The following ZNF641 variants were observed in gnomAD, a reference collection of about 807,000 sequenced individuals.
ZNF641 encodes zinc finger protein 641.
A neutral mutation model predicts 46.2 loss-of-function variants in ZNF641; 26 were observed. That is an observed-to-expected ratio of 0.56 (90% CI 0.41 to 0.78). The LOEUF (loss-of-function observed/expected upper bound fraction) is 0.78, where lower values mean the gene tolerates loss of function less well. ZNF641 is among the 30% of genes least tolerant of loss of function. The pLI is 0.00. For synonymous variants in ZNF641, 163 were observed against 187.9 expected (o/e 0.87, Z 1.09); for missense variants, 469 against 517.8 (o/e 0.91, Z 0.91).
At position 48,342,251 on chromosome 12, in the gene ZNF641, GT is replaced by G. The variant is rs1952736970; in HGVS notation, c.*721del. On this transcript the variant is annotated 3_prime_UTR_variant, in exon 6 of 6. Coordinates refer to ENST00000547026, the MANE Select transcript of ZNF641 (RefSeq NM_001172681.2). ...GGGAGTAGGAATAATGGGTAAAAAG[GT>G]TATTTTTTCAGCAGGTGAGGGTGAG... The G allele has an allele frequency of 1.0e-6, 1 of 985,362 alleles. No homozygotes were observed. Among genetic ancestry groups the G allele is most frequent in the Non-Finnish European group, 1.2e-6 (1 of 830,006 alleles). The allele number at this position is 985,362 out of a possible 1,614,324, so 61.0% of individuals were successfully genotyped here.
At position 48,340,212 on chromosome 12, in the gene ZNF641, C is replaced by T; in HGVS notation, c.*2761G>A. ...AAGACAGTGGTACACCAGAAATAAC[C>T]CAAAGGATTGCCCCTTCTGTAGAAG... On this transcript the variant is annotated 3_prime_UTR_variant, in exon 6 of 6. Transcript: ENST00000547026. 1 of 985,348 alleles carries T rather than the reference C, an allele frequency of 1.0e-6. No individual in the cohort carries two copies. The highest frequency in any genetic ancestry group is 1.2e-6 in the Non-Finnish European group (1 of 829,918). The allele number at this position is 985,348 out of a possible 1,614,324, so 61.0% of individuals were successfully genotyped here. A position where few individuals can be genotyped will look rare whatever the true frequency, so the allele number is the denominator to read the frequency against.
chr12:48,340,803 A>G lies in ZNF641; in HGVS notation c.*2170T>C. Reference sequence around the variant, plus strand: ...CCATTGCTTATGCAGAGCTTTTAGTATTAAAGAGGGAGAGTAAAAGAAATG... The same window carrying G: ...CCATTGCTTATGCAGAGCTTTTAGTGTTAAAGAGGGAGAGTAAAAGAAATG... On this transcript the variant is annotated 3_prime_UTR_variant, in exon 6 of 6. Coordinates refer to ENST00000547026, the MANE Select transcript of ZNF641 (RefSeq NM_001172681.2). The G allele has an allele frequency of 1.0e-6, 1 of 985,418 alleles. No homozygotes were observed. Among genetic ancestry groups the G allele is most frequent in the Non-Finnish European group, 1.2e-6 (1 of 829,892 alleles). 61.0% of individuals were successfully genotyped at this position (985,418 alleles called of 1,614,324 possible).
rs959153591 is a variant in ZNF641 at position 48,347,480 on chromosome 12, T to C, written c.185-137A>G. Reference sequence around the variant, plus strand: ...TTGGTAAAACTCAAATGCATAAATGTAGATGAGAAGGCCATCACTCAAAAT... The same window carrying C: ...TTGGTAAAACTCAAATGCATAAATGCAGATGAGAAGGCCATCACTCAAAAT... On this transcript the variant is annotated intron_variant, in intron 2 of 5. Transcript: ENST00000547026. The C allele has an allele frequency of 9.8e-6, 7 of 716,438 alleles. No individual in the cohort carries two copies. The African/African-American group carries it at 1.3e-4, about 13-fold the overall frequency. The allele number at this position is 716,438 out of a possible 1,614,324, so 44.4% of individuals were successfully genotyped here. A position where few individuals can be genotyped will look rare whatever the true frequency, so the allele number is the denominator to read the frequency against.
intron 1 of ZNF641, 123 bp from the exon 2 acceptor site, chr12:48,348,238 A>G: frequency 1.0e-6 from 1 of 962,238 alleles, no homozygotes. Flanking sequence ...TTGCTGGAAG[A>G]TGAACTTTAA....
In ZNF641 at chr12:48,344,716, C is replaced by T. The variant is rs763459282; in HGVS notation, c.407-4G>A. 2 of 1,585,536 alleles carry T rather than the reference C, an allele frequency of 1.3e-6. No individual in the cohort carries two copies. Among genetic ancestry groups the T allele is most frequent in the East Asian group, 2.2e-5 (1 of 44,728 alleles). ...TCCAGTTTGGGAATTGGAAATCCTG[C>T]TCATGGGAAAGGAAAATAGAGCTGT... On this transcript the variant is annotated splice_polypyrimidine_tract_variant and splice_region_variant and intron_variant, in intron 4 of 5. Transcript: ENST00000547026.
At chr12:48,336,090 T>C (rs770013623), downstream of ZNF641, among the ~76,000 whole-genome samples, 1 of 152,200 alleles carries the variant, frequency 6.6e-6, no homozygotes, top group African/African-American at 2.4e-5. Context: ...AATTTAGAAA[T>C]GCATGTTTAA....
chr12:48,347,189 C>T (rs780279086), intron 3 of ZNF641, 63 bp downstream of exon 3: 15 of 1,611,930 alleles, frequency 9.3e-6, no homozygotes, highest in African/African-American at 4.0e-5. Context: ...TGGGCTGATG[C>T]GAAAGCAATA....
chr12:48,344,764 A>T, intron 4 of ZNF641, 52 bp from the exon 5 acceptor site: 1 of 1,033,058 alleles, frequency 9.7e-7, no homozygotes, highest in Non-Finnish European at 1.4e-6. Flanking sequence ...CAGCAATTCT[A>T]TATTTCTGAA....
chr12:48,348,741 T>G (rs2732465), intron 1 of ZNF641, among the ~76,000 whole-genome samples: 61,258 of 152,142 alleles, frequency 0.4, 14,891 homozygotes, highest in Non-Finnish European at 0.55. Flanking sequence ...AACTGATAAC[T>G]TGGAAAGCAG....
chr12:48,349,734 T>C (rs1370204293), intron 1 of ZNF641, among the ~76,000 whole-genome samples: 2 of 152,216 alleles, frequency 1.3e-5, no homozygotes, highest in Non-Finnish European at 2.9e-5. Context: ...AAAGGGAAAC[T>C]TCCATTTTAG....
chr12:48,342,303 C>T lies in ZNF641; in HGVS notation c.*670G>A. The T allele has an allele frequency of 1.0e-6, 1 of 985,616 alleles. No individual in the cohort carries two copies. Among genetic ancestry groups the T allele is most frequent in the Non-Finnish European group, 1.2e-6 (1 of 830,162 alleles). The allele number at this position is 985,616 out of a possible 1,614,324, so 61.1% of individuals were successfully genotyped here. ...AGGTGATGTATATACTGCTGATTGGCATAAGGAAGACAGACCCACACATGA... is the reference window on the plus strand; with the variant it reads ...AGGTGATGTATATACTGCTGATTGGTATAAGGAAGACAGACCCACACATGA... On this transcript the variant is annotated 3_prime_UTR_variant, in exon 6 of 6. Coordinates refer to ENST00000547026, the MANE Select transcript of ZNF641 (RefSeq NM_001172681.2).
intron 3 of ZNF641, chr12:48,347,015 A>T: frequency 1.4e-6 from 1 of 735,960 alleles, no homozygotes; most frequent in Non-Finnish European, 2.1e-6. Context: ...TGTCTCAAAA[A>T]CAAAAAACAA....
chr12:48,335,916 C>A (rs1952601336), downstream of ZNF641, among the ~76,000 whole-genome samples: 1 of 152,214 alleles, frequency 6.6e-6, no homozygotes, highest in African/African-American at 2.4e-5. Context: ...GACCTCAATT[C>A]TTTGCTTTTC....
In ZNF641 at chr12:48,337,257, T is replaced by A. The variant is rs1952617173; in HGVS notation, c.*5716A>T. On this transcript the variant is annotated 3_prime_UTR_variant, in exon 6 of 6. Coordinates refer to ENST00000547026, the MANE Select transcript of ZNF641 (RefSeq NM_001172681.2). ...TTGGGTAACCCAAGGAAGTTCACAG[T>A]TCATCAGAAGGAACCAATTCAGATA... The A allele has an allele frequency of 6.6e-6, 1 of 152,086 alleles. No homozygotes were observed. Among genetic ancestry groups the A allele is most frequent in the African/African-American group, 2.4e-5 (1 of 41,388 alleles). 9.4% of individuals were successfully genotyped at this position (152,086 alleles called of 1,614,324 possible).
rs1044699839 is a variant in ZNF641, at chr12:48,339,271, C to T, written c.*3702G>A. 1.3e-5 allele frequency: 2 copies of T among 152,096 alleles called. No homozygotes were observed. Among genetic ancestry groups the T allele is most frequent in the African/African-American group, 4.8e-5 (2 of 41,410 alleles). 9.4% of individuals were successfully genotyped at this position (152,096 alleles called of 1,614,324 possible). A position where few individuals can be genotyped will look rare whatever the true frequency, so the allele number is the denominator to read the frequency against. On this transcript the variant is annotated 3_prime_UTR_variant, in exon 6 of 6. Transcript: ENST00000547026. ...GACAACAGGAGTGTGAAGATCCATC[C>T]GAAAAGGGTGAGGTACCACTGCTTG...
chr12:48,342,971 T>C lies in ZNF641; in HGVS notation c.*2A>G, dbSNP rs141811742. 5.0e-6 allele frequency: 8 copies of C among 1,605,372 alleles called. No homozygotes were observed. Among genetic ancestry groups the C allele is most frequent in the Admixed American group, 1.7e-5 (1 of 59,440 alleles). ...TGACCATAGCTGTAGTGGAAACAGA[T>C]TTCAAAAGACAGATGTTCCTCTGTC... is the stretch of plus-strand genomic sequence containing the variant. On this transcript the variant is annotated 3_prime_UTR_variant, in exon 6 of 6. Transcript: ENST00000547026.
At chr12:48,336,816 G>C (rs1022941274), downstream of ZNF641, among the ~76,000 whole-genome samples, 1 of 152,226 alleles carries the variant, frequency 6.6e-6, no homozygotes, top group Non-Finnish European at 1.5e-5. Flanking sequence ...GTCAGCCCTT[G>C]TAGGGCCTTG....
intron 2 of ZNF641, 21 bp from the exon 3 acceptor site, chr12:48,347,364 A>T (rs1373429988): frequency 6.3e-7 from 1 of 1,588,400 alleles, no homozygotes; most frequent in Admixed American, 1.8e-5. Context: ...GAGAGAAGAA[A>T]CATTAGAGAA....
rs141905617 is a variant in ZNF641, at chr12:48,347,287, C to G, written c.241G>C (p.Glu81Gln). The part of the protein sequence containing the change: ...IPQEGNTGDW[E>Q]MAAALLAAGS... ...GCCGCAAGAAGTGCAGCTGCCATCT[C>G]CCAGTCTCCAGTGTTCCCCTCCTGG... Residue 81 changes from glutamate (E) to glutamine (Q), a missense_variant, in exon 3 of 6, where the codon GAG becomes CAG. Physicochemically the swap from Glu to Gln is conservative, Grantham distance 29 (BLOSUM62 2). Transcript: ENST00000547026. The G allele has an allele frequency of 3.5e-5, 57 of 1,613,814 alleles. No homozygotes were observed. The African/African-American group carries it at 7.1e-4, about 20-fold the overall frequency.
Sources: gnomAD v4.1 joint callset for allele counts (sites outside exome capture counted in the v4.1 genomes callset) on GRCh38, gnomAD v4.1.1 for gene constraint, MANE v1.5 for transcripts, NCBI Gene and HGNC (gene_info 2026-07-23, HGNC 2026-07-21) for gene names.